Variants in PTPN13 observed in about 807,000 individuals in gnomAD.
The protein encoded by PTPN13 is protein tyrosine phosphatase non-receptor type 13, also known as tyrosine-protein phosphatase non-receptor type 13.
PTPN13 carries 191 observed loss-of-function variants against 284.0 expected under a neutral mutation model. The ratio of observed to expected loss-of-function variants is 0.67; its 90% CI spans 0.60 to 0.76. The LOEUF (loss-of-function observed/expected upper bound fraction) is 0.76. PTPN13 is among the 30% of genes least tolerant of loss of function. The pLI, the probability that PTPN13 is intolerant of heterozygous loss-of-function variation, is 0.00. For missense variants in PTPN13, 2,797 were observed against 2,939.9 expected (o/e 0.95, Z 1.12); for synonymous variants, 986 against 1,022.3 (o/e 0.96, Z 0.68).
At position 86,805,304 on chromosome 4, in the gene PTPN13, A is replaced by G; in HGVS notation, c.6680A>G (p.Asp2227Gly). Residue 2227 changes from aspartate (D) to glycine (G), a missense_variant, in exon 44 of 48, where the codon GAT (aspartate) becomes GGT (glycine). Coordinates refer to ENST00000411767, the MANE Select transcript of PTPN13 (RefSeq NM_080683.3). ...AATCTTCAAGAATTAAAACCTTTGG[A>G]TCAGTGTCTAATTGGGCAAACTAAG... Reference protein sequence around the residue: ...LENLQELKPLDQCLIGQTKEN... With the variant: ...LENLQELKPLGQCLIGQTKEN... 1 of 1,598,482 alleles carries G rather than the reference A, an allele frequency of 6.3e-7. No individual in the cohort carries two copies. The highest frequency in any genetic ancestry group is 1.1e-5 in the South Asian group (1 of 89,390).
chr4:86,797,019 G>T (rs1160632910), intron 41 of PTPN13, 90 bp downstream of exon 41: 8 of 905,808 alleles, frequency 8.8e-6, no homozygotes, highest in Non-Finnish European at 1.3e-5. Flanking sequence ...TATAAAATAA[G>T]CATAGTTGAG....
At position 86,701,744 on chromosome 4, in the gene PTPN13, C is replaced by A. The variant is rs201951317; in HGVS notation, c.1138C>A (p.Arg380=). The part of the protein sequence containing the change: ...TSSAISSALD[R]IRERQKKLQV... The stretch of plus-strand genomic sequence containing the variant: ...CTCAGCAATATCAAGTGCTTTGGAC[C>A]GAATCCGAGAGAGACAAAAGAAACT... The change falls in exon 7 of 48, where the codon CGA becomes AGA. Residue 380 remains arginine, a synonymous_variant. Transcript: ENST00000411767. 6.2e-7 allele frequency: 1 copy of A among 1,613,640 alleles called. No individual in the cohort carries two copies. Among genetic ancestry groups the A allele is most frequent in the African/African-American group, 1.3e-5 (1 of 74,968 alleles).
chr4:86,801,696 G>T lies in PTPN13; in HGVS notation c.6506-2013G>T, dbSNP rs1014959939. Among the ~76,000 whole-genome samples, 4 of 152,076 alleles carry T rather than the reference G, an allele frequency of 2.6e-5. No homozygotes were observed. The East Asian group carries it at 7.7e-4, about 29-fold the overall frequency. On this transcript the variant is annotated intron_variant, in intron 42 of 47. Coordinates refer to ENST00000411767, the MANE Select transcript of PTPN13 (RefSeq NM_080683.3). ...TAATTCAGTGTTTAGTTATGAGTTG[G>T]TTATTCAGGTGATCTAGAATGTGCT...
At chr4:86,649,068 G>T (rs1485949076) in intron 2 of PTPN13, among the ~76,000 whole-genome samples, 2 of 151,990 alleles carry the variant, frequency 1.3e-5, no homozygotes, top group East Asian at 3.9e-4. Context: ...TTTTTAATGG[G>T]ATTATTTGTT....
intron 2 of PTPN13, among the ~76,000 whole-genome samples, chr4:86,666,638 A>G (rs1727111054): frequency 6.6e-6 from 1 of 152,204 alleles, no homozygotes; most frequent in African/African-American, 2.4e-5. Context: ...GAGAGAAGAA[A>G]AAGAGACTCC....
intron 7 of PTPN13, among the ~76,000 whole-genome samples, chr4:86,704,470 T>C (rs1731504393): frequency 6.6e-6 from 1 of 152,220 alleles, no homozygotes; most frequent in African/African-American, 2.4e-5. Flanking sequence ...ATGATTCTAT[T>C]ATCTTCTCAG....
In PTPN13 at chr4:86,599,992, A is replaced by G. The variant is rs896606395; in HGVS notation, c.-6+5203A>G. On this transcript the variant is annotated intron_variant, in intron 1 of 47. Coordinates refer to ENST00000411767, the MANE Select transcript of PTPN13 (RefSeq NM_080683.3). ...TCAACACAAATGTTAGGATTTGATT[A>G]AAAGTTTTCCTTTTTGCTAAAGATC... 2.0e-5 allele frequency among the ~76,000 whole-genome samples: 3 copies of G among 152,194 alleles called. No individual in the cohort carries two copies. The East Asian group carries it at 5.8e-4, about 29-fold the overall frequency.
chr4:86,714,904 C>T (rs540479680), intron 7 of PTPN13, among the ~76,000 whole-genome samples: 1 of 152,170 alleles, frequency 6.6e-6, no homozygotes, highest in Admixed American at 6.5e-5. Context: ...GTAAGAGTTG[C>T]AATTAAGCAT....
rs1286269284 is a variant in PTPN13, at chr4:86,784,342, A to G, written c.6025-123A>G. 7.9e-6 allele frequency: 5 copies of G among 630,968 alleles called. No homozygotes were observed. The African/African-American group carries it at 9.4e-5, about 12-fold the overall frequency. The allele number at this position is 630,968 out of a possible 1,614,324, so 39.1% of individuals were successfully genotyped here. A position where few individuals can be genotyped will look rare whatever the true frequency, so the allele number is the denominator to read the frequency against. On this transcript the variant is annotated intron_variant, in intron 37 of 47. Transcript: ENST00000411767. ...ATATTTCCTTTCAAACACTGATCTA[A>G]GGTGGAGAGATGTAAAATGGATCTT...
chr4:86,684,717 T>C lies in PTPN13; in HGVS notation c.295-1993T>C, dbSNP rs551329089. 2.0e-5 allele frequency among the ~76,000 whole-genome samples: 3 copies of C among 151,898 alleles called. No homozygotes were observed. In the South Asian group the frequency reaches 6.2e-4, roughly 32 times the overall value. ...AGTTTATAGAATTGAAAAATAAAGG[T>C]GAAAAAATAGGAGCCGAGTAAATAA... On this transcript the variant is annotated intron_variant, in intron 3 of 47. Coordinates refer to ENST00000411767, the MANE Select transcript of PTPN13 (RefSeq NM_080683.3).
chr4:86,662,532 A>G (rs925612909), intron 2 of PTPN13, among the ~76,000 whole-genome samples: 4 of 152,160 alleles, frequency 2.6e-5, no homozygotes, highest in Non-Finnish European at 4.4e-5. Context: ...GGATTTTGCC[A>G]TGCTGGCCAG....
At chr4:86,609,857 G>A (rs573847058) in intron 1 of PTPN13, among the ~76,000 whole-genome samples, 2 of 152,172 alleles carry the variant, frequency 1.3e-5, no homozygotes, top group Admixed American at 6.5e-5. Context: ...GTACTTCGGG[G>A]GACTTAGATC....
At chr4:86,702,452 T>G (rs964583135) in intron 7 of PTPN13, among the ~76,000 whole-genome samples, 1 of 152,212 alleles carries the variant, frequency 6.6e-6, no homozygotes, top group Non-Finnish European at 1.5e-5. Context: ...TCTCCAAGTC[T>G]AAATTACTCC....
intron 2 of PTPN13, among the ~76,000 whole-genome samples, chr4:86,639,826 T>TA (rs140501711): frequency 0.062 from 8,957 of 145,620 alleles, 328 homozygotes; most frequent in African/African-American, 0.078. Flanking sequence ...ACTTAAAGTA[T>TA]AAAAAAAAAA....
chr4:86,732,820 A>G, intron 12 of PTPN13, 54 bp downstream of exon 12: 1 of 1,484,332 alleles, frequency 6.7e-7, no homozygotes, highest in Admixed American at 2.0e-5. Context: ...CAACAAGCAG[A>G]CTTCCTATGT....
At chr4:86,719,294 A>G (rs922181185) in intron 9 of PTPN13, among the ~76,000 whole-genome samples, 2 of 152,210 alleles carry the variant, frequency 1.3e-5, no homozygotes, top group African/African-American at 4.8e-5. Flanking sequence ...CCATGTTCCC[A>G]CAAAAGACAT....
chr4:86,676,546 A>ACACAGCAG (rs1728291828), intron 3 of PTPN13, among the ~76,000 whole-genome samples: 1 of 152,246 alleles, frequency 6.6e-6, no homozygotes, highest in Non-Finnish European at 1.5e-5. Flanking sequence ...AGGAACTCAA[A>ACACAGCAG]GAGATATTTG....
At chr4:86,798,456 C>T (rs1248881191) in intron 41 of PTPN13, among the ~76,000 whole-genome samples, 1 of 152,126 alleles carries the variant, frequency 6.6e-6, no homozygotes, top group Non-Finnish European at 1.5e-5. Context: ...GCTTTGTTCC[C>T]CCTGAATATC....
intron 37 of PTPN13, 67 bp downstream of exon 37, chr4:86,782,329 G>T: frequency 7.6e-7 from 1 of 1,312,990 alleles, no homozygotes; most frequent in South Asian, 1.2e-5. Flanking sequence ...TTTGTGTTTT[G>T]AACCAAACTG....
Sources: allele counts gnomAD v4.1 joint callset (sites outside exome capture counted in the v4.1 genomes callset), GRCh38; gene constraint gnomAD v4.1.1; transcripts MANE v1.5; gene names NCBI Gene and HGNC (gene_info 2026-07-23, HGNC 2026-07-21).